AKT3: variants seen among roughly 807,000 people sequenced by gnomAD.
AKT3 encodes the protein AKT serine/threonine kinase 3, also known as RAC-gamma serine/threonine-protein kinase.
In AKT3, 15 loss-of-function variants were observed where a neutral mutation model predicts 65.3. The observed-to-expected ratio is 0.23, with a 90% CI of 0.15 to 0.35. AKT3 has a LOEUF of 0.35. Among genes scored for constraint, AKT3 ranks in the 10% least tolerant of loss-of-function variants. The pLI is 1.00. For synonymous variants in AKT3, 206 were observed against 183.8 expected, an observed-to-expected ratio of 1.12 and a Z score of -0.98; for missense variants, 243 against 576.5, an observed-to-expected ratio of 0.42 and a Z score of 5.92.
intron 2 of AKT3, among the ~76,000 whole-genome samples, chr1:243,798,157 C>A (rs1692142809): frequency 6.8e-6 from 1 of 147,448 alleles, no homozygotes; most frequent in South Asian, 2.1e-4. Flanking sequence ...GCTGGGATTA[C>A]AGGCCTCCCA....
At chr1:243,599,071 C>A (rs1676829203) in intron 8 of AKT3, among the ~76,000 whole-genome samples, 1 of 152,060 alleles carries the variant, frequency 6.6e-6, no homozygotes, top group African/African-American at 2.4e-5. Flanking sequence ...AGATTGTACA[C>A]TTTAAATATG....
intron 2 of AKT3, among the ~76,000 whole-genome samples, chr1:243,783,551 T>C (rs1409108594): frequency 6.6e-6 from 1 of 152,094 alleles, no homozygotes; most frequent in Non-Finnish European, 1.5e-5. Flanking sequence ...CTTCAGTTAA[T>C]TAAGGTGAAT....
At chr1:243,509,126 C>G (rs1574503927) in intron 13 of AKT3, among the ~76,000 whole-genome samples, 2 of 152,274 alleles carry the variant, frequency 1.3e-5, no homozygotes, top group African/African-American at 4.8e-5. Flanking sequence ...GCTTTTACAG[C>G]ATGATCCATG....
chr1:243,683,686 G>C (rs917568232), intron 3 of AKT3, among the ~76,000 whole-genome samples: 1 of 152,120 alleles, frequency 6.6e-6, no homozygotes, highest in Non-Finnish European at 1.5e-5. Flanking sequence ...CAGAGGAAAG[G>C]AAAGAGGGAA....
chr1:243,630,098 G>A (rs1233665235), intron 6 of AKT3, among the ~76,000 whole-genome samples: 1 of 152,154 alleles, frequency 6.6e-6, no homozygotes, highest in African/African-American at 2.4e-5. Context: ...ATACCCAATG[G>A]TAGATACAAA....
At chr1:243,595,335 G>A (rs1045148626) in intron 8 of AKT3, among the ~76,000 whole-genome samples, 2 of 152,194 alleles carry the variant, frequency 1.3e-5, no homozygotes, top group Admixed American at 6.5e-5. Flanking sequence ...AAACTTGTAG[G>A]ACTGGAAGCT....
chr1:243,639,875 G>C (rs1412020799), intron 5 of AKT3, among the ~76,000 whole-genome samples: 1 of 151,988 alleles, frequency 6.6e-6, no homozygotes. Context: ...ATTCCTTCTT[G>C]TGTGAAGCCA....
At chr1:243,672,103 G>A (rs1398022260) in intron 3 of AKT3, among the ~76,000 whole-genome samples, 1 of 152,196 alleles carries the variant, frequency 6.6e-6, no homozygotes, top group Admixed American at 6.5e-5. Context: ...GGGCTCCAAT[G>A]TGTTTGCCTC....
chr1:243,576,069 A>G (rs1408071389), intron 8 of AKT3, among the ~76,000 whole-genome samples: 2 of 152,102 alleles, frequency 1.3e-5, no homozygotes, highest in Non-Finnish European at 2.9e-5. Flanking sequence ...AATTAGCATA[A>G]TTTGGATCCA....
chr1:243,708,954 C>G (rs534052972), intron 2 of AKT3, among the ~76,000 whole-genome samples: 2 of 152,104 alleles, frequency 1.3e-5, no homozygotes, highest in African/African-American at 4.8e-5. Flanking sequence ...GTTTTCATAA[C>G]TGATTCTTAC....
At chr1:243,549,185 TGA>T in intron 11 of AKT3, among the ~76,000 whole-genome samples, 1 of 152,312 alleles carries the variant, frequency 6.6e-6, no homozygotes, top group Middle Eastern at 3.4e-3. Context: ...GCTGCTCACT[TGA>T]CATTTCCATC....
intron 2 of AKT3, among the ~76,000 whole-genome samples, chr1:243,824,231 T>C (rs1694025701): frequency 6.6e-6 from 1 of 152,160 alleles, no homozygotes. Context: ...ACTGGGCCCC[T>C]TCCTTACATC....
chr1:243,819,715 G>A (rs761238754), intron 2 of AKT3, among the ~76,000 whole-genome samples: 16 of 152,282 alleles, frequency 1.1e-4, no homozygotes, highest in African/African-American at 2.2e-4. Flanking sequence ...AACAGGGGTC[G>A]CCAGACACCT....
At chr1:243,678,885 C>T (rs576699454) in intron 3 of AKT3, among the ~76,000 whole-genome samples, 7 of 152,188 alleles carry the variant, frequency 4.6e-5, no homozygotes, top group Admixed American at 2.0e-4. Context: ...CGGCACAATT[C>T]CACTTATACA....
intron 10 of AKT3, among the ~76,000 whole-genome samples, chr1:243,555,924 C>A (rs1430451557): frequency 6.6e-6 from 1 of 152,136 alleles, no homozygotes; most frequent in African/African-American, 2.4e-5. Context: ...ATTTCCTCTA[C>A]CCCTACAGTC....
In AKT3 at chr1:243,696,278, A is replaced by C. The variant is rs571798447; in HGVS notation, c.47-562T>G. On this transcript the variant is annotated intron_variant, in intron 2 of 13. Coordinates refer to ENST00000673466, the MANE Select transcript of AKT3 (RefSeq NM_005465.7). ...GCAATGCTGTACTTAAGAAAACGAA[A>C]GAACATGGGTTAACAGGGCTTTCAA... Among the ~76,000 whole-genome samples the C allele has an allele frequency of 1.5e-4, 23 of 152,138 alleles. No individual in the cohort carries two copies. The South Asian group carries it at 4.8e-3, about 32-fold the overall frequency.
At chr1:243,738,668 C>T (rs1458021) in intron 2 of AKT3, among the ~76,000 whole-genome samples, 118,078 of 152,030 alleles carry the variant, frequency 0.78, 46,911 homozygotes, top group Non-Finnish European at 0.86. Flanking sequence ...TGAGGATGAA[C>T]AGATAATGAC....
chr1:243,521,540 T>C (rs1377689232), intron 12 of AKT3, among the ~76,000 whole-genome samples: 1 of 152,250 alleles, frequency 6.6e-6, no homozygotes, highest in Non-Finnish European at 1.5e-5. Flanking sequence ...AGCTGTGCCA[T>C]ACCAATGAAT....
chr1:243,828,072 A>AACG (rs1317162077), intron 2 of AKT3, among the ~76,000 whole-genome samples: 1 of 151,544 alleles, frequency 6.6e-6, no homozygotes, highest in East Asian at 1.9e-4. Context: ...TAAAAACAAC[A>AACG]ACAACAACAA....
Sources: gnomAD v4.1 joint callset for allele counts (sites outside exome capture counted in the v4.1 genomes callset) on GRCh38, gnomAD v4.1.1 for gene constraint, MANE v1.5 for transcripts, NCBI Gene and HGNC (gene_info 2026-07-23, HGNC 2026-07-21) for gene names.